Variants in DRC11 observed in about 807,000 individuals in gnomAD.
The protein encoded by DRC11 is dynein regulatory complex subunit 11.
At chr2:236,467,204 A>C in the DRC11 span, among the ~76,000 whole-genome samples, 69 of 152,222 alleles carry the variant, frequency 4.5e-4, 2 homozygotes, top group African/African-American at 1.5e-3. Context: ...TACAATATAA[A>C]GAATTGCCTT....
chr2:236,481,914 T>G, the DRC11 span, among the ~76,000 whole-genome samples: 2 of 149,376 alleles, frequency 1.3e-5, no homozygotes, highest in Non-Finnish European at 3.0e-5. Context: ...CTATGTATAA[T>G]TCTACATATT....
the DRC11 span, among the ~76,000 whole-genome samples, chr2:236,371,271 A>G: frequency 4.7e-4 from 72 of 152,268 alleles, no homozygotes; most frequent in African/African-American, 1.7e-3. This position sits in a 1 kb window ranked among gnomAD's most constrained non-coding sequence, Gnocchi z 5.1. Flanking sequence ...TAGGCAACAG[A>G]GGAACCCTCT....
chr2:236,362,378 C>A, the DRC11 span, among the ~76,000 whole-genome samples: 1 of 152,144 alleles, frequency 6.6e-6, no homozygotes, highest in Non-Finnish European at 1.5e-5. The surrounding 1 kb of genome is among the most constrained non-coding windows in gnomAD (Gnocchi z 5.7). Context: ...TCCTCCTTCT[C>A]CTCAGCCTCC....
chr2:236,351,892 T>G, the DRC11 span, among the ~76,000 whole-genome samples: 1 of 151,190 alleles, frequency 6.6e-6, no homozygotes, highest in Non-Finnish European at 1.5e-5. This position sits in a 1 kb window ranked among gnomAD's most constrained non-coding sequence, Gnocchi z 7.3. Flanking sequence ...CCAGCTGCCA[T>G]GAGCCCCTGG....
the DRC11 span, among the ~76,000 whole-genome samples, chr2:236,429,014 T>C: frequency 6.6e-6 from 1 of 152,228 alleles, no homozygotes; most frequent in Non-Finnish European, 1.5e-5. This position sits in a 1 kb window ranked among gnomAD's most constrained non-coding sequence, Gnocchi z 5.9. Context: ...GTCTTATAAA[T>C]GAGTCTGCAA....
At chr2:236,419,152 A>G in the DRC11 span, 1 of 1,518,360 alleles carries the variant, frequency 6.6e-7, no homozygotes, top group Admixed American at 2.4e-5. The surrounding 1 kb of genome is among the most constrained non-coding windows in gnomAD (Gnocchi z 4.8). Context: ...ATTTTACCTT[A>G]TTTTTCTCCT....
chr2:236,313,383 A>G, the DRC11 span, among the ~76,000 whole-genome samples: 2 of 152,232 alleles, frequency 1.3e-5, no homozygotes, highest in Admixed American at 6.5e-5. This position sits in a 1 kb window ranked among gnomAD's most constrained non-coding sequence, Gnocchi z 4.5. Flanking sequence ...CATATATATC[A>G]GGCAAAAAAT....
At chr2:236,350,834 C>A in the DRC11 span, among the ~76,000 whole-genome samples, 2 of 152,164 alleles carry the variant, frequency 1.3e-5, no homozygotes, top group African/African-American at 4.8e-5. This position sits in a 1 kb window ranked among gnomAD's most constrained non-coding sequence, Gnocchi z 5.2. Context: ...CTTTCCTGAC[C>A]TTCCCCTGGG....
At chr2:236,459,510 T>A in the DRC11 span, among the ~76,000 whole-genome samples, 2 of 102,766 alleles carry the variant, frequency 1.9e-5, no homozygotes, top group African/African-American at 7.3e-5. Context: ...TGTATACGTA[T>A]ACGTATACAT....
At chr2:236,481,133 C>T in the DRC11 span, among the ~76,000 whole-genome samples, 4 of 152,226 alleles carry the variant, frequency 2.6e-5, no homozygotes, top group East Asian at 7.7e-4. Context: ...TCTGACTTTG[C>T]ATCTCTTTTG....
At chr2:236,504,250 A>G in the DRC11 span, among the ~76,000 whole-genome samples, 8 of 152,110 alleles carry the variant, frequency 5.3e-5, no homozygotes, top group African/African-American at 1.9e-4. The surrounding 1 kb of genome is among the most constrained non-coding windows in gnomAD (Gnocchi z 5.0). Context: ...GGTGTCCTCA[A>G]AATTCATCCA....
chr2:236,500,566 T>A, the DRC11 span, among the ~76,000 whole-genome samples: 2 of 152,290 alleles, frequency 1.3e-5, no homozygotes, highest in East Asian at 1.9e-4. This position sits in a 1 kb window ranked among gnomAD's most constrained non-coding sequence, Gnocchi z 6.3. Flanking sequence ...ATATTTAAAC[T>A]ATTGCTAGTG....
chr2:236,357,245 AGTATATATC>A, the DRC11 span, among the ~76,000 whole-genome samples: 2 of 109,402 alleles, frequency 1.8e-5, no homozygotes, highest in African/African-American at 8.0e-5. Flanking sequence ...ATATTCATAT[AGTATATATC>A]TATATATTAT....
At chr2:236,399,580 G>A in the DRC11 span, 44 of 1,014,304 alleles carry the variant, frequency 4.3e-5, no homozygotes, top group Admixed American at 4.5e-4. The surrounding 1 kb of genome is among the most constrained non-coding windows in gnomAD (Gnocchi z 7.0). Flanking sequence ...GGTCCATGCC[G>A]CGCAGGCCCA....
the DRC11 span, among the ~76,000 whole-genome samples, chr2:236,307,950 C>A: frequency 6.8e-6 from 1 of 146,142 alleles, no homozygotes; most frequent in East Asian, 2.1e-4. The surrounding 1 kb of genome is among the most constrained non-coding windows in gnomAD (Gnocchi z 7.0). Context: ...TGCAGTGACA[C>A]AAGCGTCCTC....
At chr2:236,350,640 C>CT in the DRC11 span, among the ~76,000 whole-genome samples, 1 of 152,178 alleles carries the variant, frequency 6.6e-6, no homozygotes, top group African/African-American at 2.4e-5. The surrounding 1 kb of genome is among the most constrained non-coding windows in gnomAD (Gnocchi z 5.2). Context: ...GAGGTGGGAG[C>CT]GGGACCTGGG....
chr2:236,491,134 TATATACAGTATATATATAC>T, the DRC11 span, among the ~76,000 whole-genome samples: 2 of 108,374 alleles, frequency 1.8e-5, no homozygotes, highest in Admixed American at 1.0e-4. Flanking sequence ...TATATATATA[TATATACAGTATATATATAC>T]ACACAGTATA....
chr2:236,371,443 G>A, the DRC11 span, among the ~76,000 whole-genome samples: 1 of 152,190 alleles, frequency 6.6e-6, no homozygotes, highest in African/African-American at 2.4e-5. The surrounding 1 kb of genome is among the most constrained non-coding windows in gnomAD (Gnocchi z 5.1). Flanking sequence ...AGAGCAGTGT[G>A]CTTTCCAGAG....
the DRC11 span, among the ~76,000 whole-genome samples, chr2:236,314,143 A>G: frequency 2.6e-5 from 4 of 152,220 alleles, no homozygotes; most frequent in Non-Finnish European, 5.9e-5. This position sits in a 1 kb window ranked among gnomAD's most constrained non-coding sequence, Gnocchi z 4.5. Flanking sequence ...GCAAAATGTT[A>G]CCATTGGGGG....
Sources: gnomAD v4.1 joint callset for allele counts (sites outside exome capture counted in the v4.1 genomes callset) on GRCh38, gnomAD v4.1.1 for gene constraint, Gnocchi (gnomAD v3.1) non-coding constraint, MANE v1.5 for transcripts, NCBI Gene and HGNC (gene_info 2026-07-23, HGNC 2026-07-21) for gene names.